The following CRYM variants were observed in gnomAD, a reference collection of about 807,000 sequenced individuals.
CRYM encodes the protein crystallin mu.
A neutral mutation model predicts 32.9 loss-of-function variants in CRYM; 18 were observed. The ratio of observed to expected loss-of-function variants is 0.55; its 90% CI spans 0.38 to 0.81. The LOEUF is 0.81. CRYM is among the 30% of genes least tolerant of loss of function. The pLI, the probability that CRYM is intolerant of heterozygous loss-of-function variation, is 0.00. For synonymous variants in CRYM, 153 were observed against 152.4 expected (o/e 1.00, Z -0.03); for missense variants, 337 against 393.5 (o/e 0.86, Z 1.21).
At position 21,267,948 on chromosome 16, in the gene CRYM, C is replaced by G. The variant is rs766937406; in HGVS notation, c.490-211G>C. Among the ~76,000 whole-genome samples the G allele has an allele frequency of 5.9e-5, 9 of 152,190 alleles. No individual in the cohort carries two copies. The South Asian group carries it at 1.9e-3, about 32-fold the overall frequency. ...ACCTAGCCAGGTATTTGAAAATCAGCGTTCTCTACCACTTTCCCCTTTTAA... is the reference window on the plus strand; with the variant it reads ...ACCTAGCCAGGTATTTGAAAATCAGGGTTCTCTACCACTTTCCCCTTTTAA... On this transcript the variant is annotated intron_variant, in intron 4 of 7. Coordinates refer to ENST00000572914, the MANE Select transcript of CRYM (RefSeq NM_001376256.1).
intron 1 of CRYM, chr16:21,283,670 G>A (rs1274487357): frequency 2.0e-5 from 3 of 151,670 alleles, no homozygotes; most frequent in African/African-American, 7.3e-5. Flanking sequence ...CGCGGGGTGG[G>A]GCGGTGGGGG....
rs774637814 is a variant in CRYM, at chr16:21,267,701, TCTC to T, written c.523_525del (p.Glu175del). On this transcript the variant is annotated inframe_deletion, in exon 5 of 8. Coordinates refer to ENST00000572914, the MANE Select transcript of CRYM (RefSeq NM_001376256.1). ...TCTCCTTGCACTGTGTCTGCAAACT[TCTC>T]TGCATTTTCTTTGGTGCGGTTCCAT... 1.2e-6 allele frequency: 2 copies of T among 1,614,240 alleles called. No homozygotes were observed. Among genetic ancestry groups the T allele is most frequent in the Non-Finnish European group, 1.7e-6 (2 of 1,180,042 alleles).
At chr16:21,266,208 A>C (rs2093363393) in intron 5 of CRYM, among the ~76,000 whole-genome samples, 1 of 152,162 alleles carries the variant, frequency 6.6e-6, no homozygotes, top group African/African-American at 2.4e-5. Context: ...TGGGTGACAG[A>C]GTGAGACTCC....
intron 5 of CRYM, among the ~76,000 whole-genome samples, chr16:21,267,299 T>C (rs960842577): frequency 6.6e-6 from 1 of 152,104 alleles, no homozygotes; most frequent in Non-Finnish European, 1.5e-5. Context: ...GGTTTTGCCA[T>C]GTTGACCAGG....
intron 1 of CRYM, among the ~76,000 whole-genome samples, chr16:21,294,730 T>C (rs1434039576): frequency 3.3e-5 from 5 of 150,890 alleles, no homozygotes; most frequent in Non-Finnish European, 5.9e-5. Context: ...AGTCTTGCTC[T>C]GTTGCCCATG....
chr16:21,266,675 G>A lies in CRYM; in HGVS notation c.673+879C>T, dbSNP rs766306961. Among the ~76,000 whole-genome samples, 36 of 152,260 alleles carry A rather than the reference G, an allele frequency of 2.4e-4. 1 individual carries two copies. Among genetic ancestry groups the A allele is most frequent in the Non-Finnish European group, 3.8e-4 (26 of 68,022 alleles). On this transcript the variant is annotated intron_variant, in intron 5 of 7. Coordinates refer to ENST00000572914, the MANE Select transcript of CRYM (RefSeq NM_001376256.1). ...CTGATTTAAATTTCATCACATTTTA[G>A]AATTGAGCTGTGAATTACCATTTGC...
Position 21,277,145 on chromosome 16 carries a change from C to A in CRYM, c.324+286G>T, listed in dbSNP as rs1224147052. ...CATTCAAGCTGCGTATTTGGGGCAACTGAGTATAGGACAAGGACATATGCA... is the reference window on the plus strand; with the variant it reads ...CATTCAAGCTGCGTATTTGGGGCAAATGAGTATAGGACAAGGACATATGCA... On this transcript the variant is annotated intron_variant, in intron 2 of 7. Coordinates refer to ENST00000572914, the MANE Select transcript of CRYM (RefSeq NM_001376256.1). The surrounding 1 kb of genome is among the most constrained non-coding windows in gnomAD (Gnocchi z 4.2). Among the ~76,000 whole-genome samples, 1 of 152,166 alleles carries A rather than the reference C, an allele frequency of 6.6e-6. No homozygotes were observed. Among genetic ancestry groups the A allele is most frequent in the Non-Finnish European group, 1.5e-5 (1 of 68,030 alleles).
At chr16:21,283,489 A>G (rs1013697353) in intron 1 of CRYM, 6 of 152,022 alleles carry the variant, frequency 3.9e-5, no homozygotes, top group African/African-American at 1.5e-4. Flanking sequence ...CTTTATTTTG[A>G]CTATTGAGTT....
intron 6 of CRYM, 101 bp from the exon 7 acceptor site, chr16:21,261,439 A>G (rs1056177020): frequency 3.0e-5 from 21 of 710,448 alleles, no homozygotes; most frequent in Admixed American, 2.6e-4. Flanking sequence ...ATAAGAGATA[A>G]ATTTGATTAA....
chr16:21,302,013 A>AC (rs1567245083), intron 1 of CRYM, among the ~76,000 whole-genome samples: 1 of 151,898 alleles, frequency 6.6e-6, no homozygotes, highest in Non-Finnish European at 1.5e-5. Flanking sequence ...CAAAAGGGCG[A>AC]CCCCCAAACA....
At chr16:21,288,487 C>A (rs1305857311) in intron 1 of CRYM, among the ~76,000 whole-genome samples, 1 of 138,408 alleles carries the variant, frequency 7.2e-6, no homozygotes, top group Non-Finnish European at 1.5e-5. Context: ...CTCTTAGTTT[C>A]CTGATTTTAA....
intron 1 of CRYM, among the ~76,000 whole-genome samples, chr16:21,302,127 G>A (rs890113829): frequency 1.3e-5 from 2 of 152,210 alleles, no homozygotes; most frequent in Non-Finnish European, 2.9e-5. Context: ...AGCACTGTTA[G>A]GAATTTTATA....
chr16:21,270,876 G>C, intron 3 of CRYM, among the ~76,000 whole-genome samples: 1 of 152,172 alleles, frequency 6.6e-6, no homozygotes, highest in East Asian at 1.9e-4. Context: ...TTGAGAGCAG[G>C]ATTCTGTGAT....
At chr16:21,282,442 A>T (rs1044769591), upstream of CRYM, among the ~76,000 whole-genome samples, 4 of 151,654 alleles carry the variant, frequency 2.6e-5, no homozygotes, top group Non-Finnish European at 5.9e-5. Flanking sequence ...TTTTTTTTTT[A>T]AAGTTAACAA....
intron 1 of CRYM, among the ~76,000 whole-genome samples, chr16:21,296,299 T>C (rs1460113169): frequency 6.6e-6 from 1 of 151,980 alleles, no homozygotes; most frequent in Non-Finnish European, 1.5e-5. Flanking sequence ...GTGTGGAAAG[T>C]GTAAGGGAAA....
chr16:21,283,207 G>C (rs925226441), upstream of CRYM, among the ~76,000 whole-genome samples: 1 of 152,250 alleles, frequency 6.6e-6, no homozygotes. Context: ...TGGCAGCAGG[G>C]TAGAGCTGTA....
intron 4 of CRYM, among the ~76,000 whole-genome samples, chr16:21,268,319 A>T (rs1270548706): frequency 6.6e-6 from 1 of 152,200 alleles, no homozygotes; most frequent in Non-Finnish European, 1.5e-5. Context: ...GAAATTCAAG[A>T]TCAGACGAGT....
At chr16:21,287,805 T>C (rs1232888852) in intron 1 of CRYM, among the ~76,000 whole-genome samples, 2 of 152,236 alleles carry the variant, frequency 1.3e-5, no homozygotes, top group Non-Finnish European at 2.9e-5. Flanking sequence ...TTCATTTGCC[T>C]GTTCTTTTGT....
intron 5 of CRYM, among the ~76,000 whole-genome samples, chr16:21,265,019 C>T (rs1348211971): frequency 3.3e-5 from 5 of 152,074 alleles, no homozygotes; most frequent in African/African-American, 7.2e-5. Context: ...TCCTGAACCA[C>T]GGGAACTGTG....
Sources: gnomAD v4.1 joint callset for allele counts (sites outside exome capture counted in the v4.1 genomes callset) on GRCh38, gnomAD v4.1.1 for gene constraint, Gnocchi (gnomAD v3.1) non-coding constraint, MANE v1.5 for transcripts, NCBI Gene and HGNC (gene_info 2026-07-23, HGNC 2026-07-21) for gene names.